HTR2C: variants seen among roughly 807,000 people sequenced by gnomAD.
HTR2C encodes the protein 5-hydroxytryptamine (serotonin) receptor 2C, G protein-coupled.
In HTR2C, 5 loss-of-function variants were observed where a neutral mutation model predicts 21.0. That is an observed-to-expected ratio of 0.24 (90% confidence interval 0.12 to 0.50). The LOEUF (loss-of-function observed/expected upper bound fraction) is 0.50. Among genes scored for constraint, HTR2C ranks in the 20% least tolerant of loss-of-function variants. HTR2C has a pLI of 0.98. For synonymous variants in HTR2C, 150 were observed against 145.3 expected (o/e 1.03, Z -0.23); for missense variants, 271 against 371.2 (o/e 0.73, Z 2.22).
intron 2 of HTR2C, among the ~76,000 whole-genome samples, chrX:114,697,134 C>T (rs782797128): frequency 4.5e-5 from 5 of 111,848 alleles, no homozygotes; most frequent in Non-Finnish European, 7.5e-5. Context: ...AGAAGCTTTC[C>T]TTAAGTAGGT....
chrX:114,772,796 T>C (rs1319926060), intron 4 of HTR2C, among the ~76,000 whole-genome samples: 1 of 111,619 alleles, frequency 9.0e-6, no homozygotes, highest in East Asian at 2.8e-4. Flanking sequence ...TCATCAATAA[T>C]GTAACTTGGA....
intron 4 of HTR2C, among the ~76,000 whole-genome samples, chrX:114,733,119 C>T (rs182612412): frequency 0.029 from 3,263 of 111,060 alleles, 123 homozygotes; most frequent in African/African-American, 0.1. Flanking sequence ...CTAAAACCAC[C>T]ACAGGTGGCC....
chrX:114,857,698 A>G (rs782516452), intron 5 of HTR2C, among the ~76,000 whole-genome samples: 1 of 110,794 alleles, frequency 9.0e-6, no homozygotes, highest in Admixed American at 9.7e-5. Flanking sequence ...TTTAAAGTTC[A>G]ATTTGTCAGC....
At chrX:114,812,670 A>G (rs1188974205) in intron 4 of HTR2C, among the ~76,000 whole-genome samples, 1 of 110,139 alleles carries the variant, frequency 9.1e-6, no homozygotes, top group Non-Finnish European at 1.9e-5. Flanking sequence ...TGGAGGTTAC[A>G]GTGACCCGAG....
rs11368538 is a variant in HTR2C at position 114,816,946 on chromosome X, TA to T, written c.350-31048del. Among the ~76,000 whole-genome samples the T allele has an allele frequency of 5.1e-3, 540 of 106,074 alleles. 4 individuals are homozygous for T. Among genetic ancestry groups the T allele is most frequent in the African/African-American group, 0.017 (510 of 29,541 alleles). The allele number at this position is 106,074 out of a possible 115,157, so 92.1% of individuals were successfully genotyped here. Reference sequence around the variant, plus strand: ...TATGTATTTATCCAGCATCTAAGATTAAAAAAAAATAGATGATTACACAAAT... The same window carrying T: ...TATGTATTTATCCAGCATCTAAGATTAAAAAAAATAGATGATTACACAAAT... On this transcript the variant is annotated intron_variant, in intron 4 of 5. Transcript: ENST00000276198.
At chrX:114,799,713 C>T (rs2070327953) in intron 4 of HTR2C, among the ~76,000 whole-genome samples, 2 of 110,502 alleles carry the variant, frequency 1.8e-5, no homozygotes, top group Admixed American at 1.9e-4. Context: ...CTTTGAATTA[C>T]AGAATTTTCT....
chrX:114,723,742 C>T (rs1388716650), intron 2 of HTR2C, among the ~76,000 whole-genome samples: 1 of 110,667 alleles, frequency 9.0e-6, no homozygotes, highest in Non-Finnish European at 1.9e-5. Flanking sequence ...TTTCAAAGAA[C>T]ATCTTTATGT....
intron 2 of HTR2C, among the ~76,000 whole-genome samples, chrX:114,643,578 T>C (rs1602658532): frequency 9.0e-6 from 1 of 111,145 alleles, no homozygotes; most frequent in African/African-American, 3.3e-5. Flanking sequence ...TTGTGTCCTG[T>C]CTGGAAAATC....
intron 2 of HTR2C, among the ~76,000 whole-genome samples, chrX:114,622,590 C>G (rs1929208300): frequency 9.0e-6 from 1 of 111,594 alleles, no homozygotes; most frequent in Non-Finnish European, 1.9e-5. Context: ...AACTACTCTA[C>G]AAAAAGCATG....
At chrX:114,765,859 A>C (rs2069942734) in intron 4 of HTR2C, among the ~76,000 whole-genome samples, 1 of 111,520 alleles carries the variant, frequency 9.0e-6, no homozygotes, top group South Asian at 3.8e-4. Flanking sequence ...CTCTATTAAC[A>C]CCTGCCTAAG....
At chrX:114,859,855 C>T (rs2070992822) in intron 5 of HTR2C, among the ~76,000 whole-genome samples, 1 of 111,569 alleles carries the variant, frequency 9.0e-6, no homozygotes, top group Non-Finnish European at 1.9e-5. Context: ...TTAGCTGTAT[C>T]TCATAACTGT....
chrX:114,628,604 C>T (rs782201348), intron 2 of HTR2C, among the ~76,000 whole-genome samples: 3 of 109,770 alleles, frequency 2.7e-5, no homozygotes, highest in East Asian at 5.7e-4. Context: ...AAATGCTCCT[C>T]TTAAATTTCA....
At chrX:114,649,275 A>T (rs189914605) in intron 2 of HTR2C, among the ~76,000 whole-genome samples, 1 of 112,395 alleles carries the variant, frequency 8.9e-6, no homozygotes, top group Non-Finnish European at 1.9e-5. Flanking sequence ...GAAGATATTA[A>T]TAGTTGGGAG....
intron 2 of HTR2C, among the ~76,000 whole-genome samples, chrX:114,666,428 GAAC>G (rs1931178279): frequency 2.0e-5 from 2 of 98,258 alleles, no homozygotes; most frequent in African/African-American, 7.3e-5. Context: ...AAAACTATGA[GAAC>G]AACCTTTCTT....
chrX:114,605,340 C>T (rs1312039812), intron 1 of HTR2C, among the ~76,000 whole-genome samples: 9 of 109,496 alleles, frequency 8.2e-5, no homozygotes, highest in Non-Finnish European at 1.3e-4. Context: ...GGACCTAGCT[C>T]GGCATGGCGA....
At chrX:114,843,731 A>G (rs2070852886) in intron 4 of HTR2C, among the ~76,000 whole-genome samples, 1 of 111,753 alleles carries the variant, frequency 8.9e-6, no homozygotes, top group African/African-American at 3.3e-5. Flanking sequence ...GCTGCAACAG[A>G]CAAGCATCTC....
At chrX:114,795,996 T>C (rs906896197) in intron 4 of HTR2C, among the ~76,000 whole-genome samples, 4 of 111,546 alleles carry the variant, frequency 3.6e-5, no homozygotes, top group Non-Finnish European at 5.7e-5. Context: ...TTAGAGCTAA[T>C]GTTGTTGCTG....
chrX:114,738,942 A>T (rs1221485863), intron 4 of HTR2C, among the ~76,000 whole-genome samples: 1 of 110,696 alleles, frequency 9.0e-6, no homozygotes, highest in Non-Finnish European at 1.9e-5. Context: ...ACTAATAAGC[A>T]CATATTAAAA....
chrX:114,731,828 T>C (rs2069540637), intron 4 of HTR2C, among the ~76,000 whole-genome samples: 1 of 111,642 alleles, frequency 9.0e-6, no homozygotes, highest in Admixed American at 9.6e-5. Flanking sequence ...AAATCATACA[T>C]AGATGCTCTC....
Sources: gnomAD v4.1 joint callset for allele counts (sites outside exome capture counted in the v4.1 genomes callset) on GRCh38, gnomAD v4.1.1 for gene constraint, MANE v1.5 for transcripts, NCBI Gene and HGNC (gene_info 2026-07-23, HGNC 2026-07-21) for gene names.